Variants in RTN4 observed in about 807,000 individuals in gnomAD.
RTN4 encodes reticulon 4, also known as reticulon-4.
In RTN4, 32 loss-of-function variants were observed where a neutral mutation model predicts 90.4. The observed-to-expected ratio is 0.35, with a 90% confidence interval of 0.27 to 0.48. The LOEUF is 0.48. Ranked by LOEUF, RTN4 falls within the 20% of genes least tolerant of loss-of-function variation. The pLI is 0.99. For missense variants in RTN4, 1,706 were observed against 1,430.2 expected, an observed-to-expected ratio of 1.19 and a Z score of -3.11; for synonymous variants, 629 against 552.5, an observed-to-expected ratio of 1.14 and a Z score of -1.94.
At chr2:55,040,159 A>G (rs995856759) in intron 1 of RTN4, among the ~76,000 whole-genome samples, 2 of 152,192 alleles carry the variant, frequency 1.3e-5, no homozygotes, top group South Asian at 2.1e-4. Context: ...CTGATTTTCA[A>G]TAATTCACCT....
At chr2:55,037,324 C>T (rs1162445480) in intron 1 of RTN4, among the ~76,000 whole-genome samples, 1 of 152,194 alleles carries the variant, frequency 6.6e-6, no homozygotes, top group South Asian at 2.1e-4. Flanking sequence ...TGTGTTTTTA[C>T]ACATCTTCCC....
chr2:54,984,442 A>C (rs907614683), intron 4 of RTN4, among the ~76,000 whole-genome samples: 1 of 152,210 alleles, frequency 6.6e-6, no homozygotes, highest in East Asian at 1.9e-4. Context: ...TTAAACCAGC[A>C]ATTATTTGTT....
intron 1 of RTN4, among the ~76,000 whole-genome samples, chr2:55,030,924 A>G (rs1274065706): frequency 1.3e-5 from 2 of 152,202 alleles, no homozygotes; most frequent in African/African-American, 4.8e-5. Context: ...CTTCTATTTT[A>G]CAATGTAACA....
intron 3 of RTN4, among the ~76,000 whole-genome samples, chr2:55,013,211 GA>G (rs1006604737): frequency 2.0e-5 from 3 of 152,056 alleles, no homozygotes; most frequent in African/African-American, 7.2e-5. Context: ...GAGAAGAGGG[GA>G]AAAGTATTCT....
intron 1 of RTN4, among the ~76,000 whole-genome samples, chr2:55,081,052 T>C (rs1389204543): frequency 1.3e-5 from 2 of 151,878 alleles, no homozygotes; most frequent in Non-Finnish European, 1.5e-5. Flanking sequence ...TTCCTTCCTT[T>C]CTTTCTTTCA....
intron 1 of RTN4, among the ~76,000 whole-genome samples, chr2:55,085,062 A>G (rs866104527): frequency 1.3e-5 from 2 of 152,212 alleles, no homozygotes; most frequent in African/African-American, 4.8e-5. Context: ...AGGTGCTAGG[A>G]TTAAGGCATG....
At position 55,026,050 on chromosome 2, in the gene RTN4, A is replaced by C. The variant is rs746738232; in HGVS notation, c.2049T>G (p.Ile683Met). ...CTTCTGTTTCTTGAAGAGCTGCATT[A>C]ATATTTTCAGGCTCTTTAATTTCTT... The part of the protein sequence containing the change: ...IKEEIKEPEN[I>M]NAALQETEAP... Residue 683 changes from isoleucine to methionine, a missense_variant, in exon 3 of 9, where the codon ATT (isoleucine) becomes ATG (methionine). Physicochemically the swap from Ile to Met is conservative, Grantham distance 10 (BLOSUM62 1). Transcript: ENST00000337526. 5.6e-6 allele frequency: 9 copies of C among 1,610,914 alleles called. No homozygotes were observed. Among genetic ancestry groups the C allele is most frequent in the East Asian group, 2.2e-5 (1 of 44,878 alleles).
chr2:55,113,755 C>T (rs1216446835), upstream of RTN4, among the ~76,000 whole-genome samples: 1 of 152,092 alleles, frequency 6.6e-6, no homozygotes, highest in Non-Finnish European at 1.5e-5. Flanking sequence ...GAGAGGTGAC[C>T]CCCAGTCCAA....
At chr2:54,994,888 C>T (rs1237840436) in intron 3 of RTN4, among the ~76,000 whole-genome samples, 1 of 152,188 alleles carries the variant, frequency 6.6e-6, no homozygotes, top group Admixed American at 6.5e-5. Context: ...TTACCATAGG[C>T]TAATTTATAT....
At position 55,050,088 on chromosome 2, in the gene RTN4, G is replaced by C; in HGVS notation, c.213C>G (p.Ala71=). The C allele has an allele frequency of 6.8e-7, 1 of 1,472,332 alleles. No individual in the cohort carries two copies. Among genetic ancestry groups the C allele is most frequent in the Non-Finnish European group, 9.0e-7 (1 of 1,117,126 alleles). The allele number at this position is 1,472,332 out of a possible 1,614,324, so 91.2% of individuals were successfully genotyped here. ...CCATCAGGGGCGCGCCGGCGGCAGG[G>C]GCGGTGGGCACTGGGGCCGCGGACA... ...AGLSAAPVPT[A]PAAGAPLMDF... The change falls in exon 1 of 9, where the codon GCC becomes GCG. Residue 71 remains alanine (A), a synonymous_variant. Transcript: ENST00000337526. This position sits in a 1 kb window ranked among gnomAD's most constrained non-coding sequence, Gnocchi z 4.6.
chr2:55,042,097 A>G (rs1326153727), intron 1 of RTN4, among the ~76,000 whole-genome samples: 1 of 152,150 alleles, frequency 6.6e-6, no homozygotes, highest in East Asian at 1.9e-4. Context: ...ACTCAAATTT[A>G]AAAGAACAAT....
At chr2:54,997,675 A>G (rs1679538971) in intron 3 of RTN4, among the ~76,000 whole-genome samples, 1 of 152,202 alleles carries the variant, frequency 6.6e-6, no homozygotes, top group Non-Finnish European at 1.5e-5. Flanking sequence ...TTAGGCCATA[A>G]AACGAAATGA....
chr2:55,120,060 C>T, the RTN4 span, among the ~76,000 whole-genome samples: 1 of 152,230 alleles, frequency 6.6e-6, no homozygotes, highest in Non-Finnish European at 1.5e-5. Context: ...GCGTGAGGCC[C>T]AGACTGGCCC....
chr2:54,981,647 G>T (rs1678137355), intron 5 of RTN4, among the ~76,000 whole-genome samples: 3 of 152,168 alleles, frequency 2.0e-5, no homozygotes, highest in Non-Finnish European at 1.5e-5. Flanking sequence ...AGAACTTTGG[G>T]AGAGTTTATT....
Position 55,026,099 on chromosome 2 carries a change from A to G in RTN4, c.2000T>C (p.Leu667Pro), listed in dbSNP as rs1681843413. ...TTCCTTTATTCCTGATACTTTTTTT[A>G]GTGATACACTCATGGCCTCTTCATA... ...PPYEEAMSVSLKKVSGIKEEI... is the reference protein window; with the variant it reads ...PPYEEAMSVSPKKVSGIKEEI... The change falls in exon 3 of 9, where the codon CTA becomes CCA. Residue 667 changes from leucine to proline, a missense_variant. Transcript: ENST00000337526. 3 of 1,610,298 alleles carry G rather than the reference A, an allele frequency of 1.9e-6. No individual in the cohort carries two copies. The highest frequency in any genetic ancestry group is 2.5e-6 in the Non-Finnish European group (3 of 1,179,078).
intron 1 of RTN4, among the ~76,000 whole-genome samples, chr2:55,100,453 C>T (rs1374652701): frequency 1.3e-5 from 2 of 152,104 alleles, no homozygotes; most frequent in African/African-American, 4.8e-5. Flanking sequence ...TTGATCTATT[C>T]AGCCATTTGC....
intron 3 of RTN4, among the ~76,000 whole-genome samples, chr2:54,999,308 A>T (rs1573341666): frequency 6.6e-6 from 1 of 152,318 alleles, no homozygotes; most frequent in East Asian, 1.9e-4. Context: ...TGGTAATCAC[A>T]AACTGTCATC....
chr2:54,999,050 G>A (rs1274598006), intron 3 of RTN4, among the ~76,000 whole-genome samples: 1 of 152,008 alleles, frequency 6.6e-6, no homozygotes, highest in African/African-American at 2.4e-5. Flanking sequence ...ACAACTTTGG[G>A]GGAATGCTTA....
At chr2:55,001,616 C>T (rs1679856335) in intron 3 of RTN4, among the ~76,000 whole-genome samples, 1 of 152,268 alleles carries the variant, frequency 6.6e-6, no homozygotes, top group South Asian at 2.1e-4. Context: ...ATCAACAGTG[C>T]AAAATTGCAA....
Sources: gnomAD v4.1 joint callset for allele counts (sites outside exome capture counted in the v4.1 genomes callset) on GRCh38, gnomAD v4.1.1 for gene constraint, Gnocchi (gnomAD v3.1) non-coding constraint, MANE v1.5 for transcripts, NCBI Gene and HGNC (gene_info 2026-07-23, HGNC 2026-07-21) for gene names.